HDAC4: variants seen among roughly 807,000 people sequenced by gnomAD.
HDAC4 encodes histone deacetylase 4.
Under a neutral mutation model 135.1 loss-of-function variants are expected in HDAC4, and 16 were observed. That is an observed-to-expected ratio of 0.12 (90% confidence interval 0.08 to 0.18). HDAC4 has a LOEUF of 0.18. HDAC4 is among the 10% of genes least tolerant of loss of function. HDAC4 has a pLI of 1.00. For missense variants in HDAC4, 1,143 were observed against 1,511.8 expected, an observed-to-expected ratio of 0.76 and a Z score of 4.05; for synonymous variants, 685 against 653.4, an observed-to-expected ratio of 1.05 and a Z score of -0.74.
chr2:239,301,977 A>T (rs539415548), intron 2 of HDAC4, among the ~76,000 whole-genome samples: 1 of 152,270 alleles, frequency 6.6e-6, no homozygotes, highest in South Asian at 2.1e-4. Context: ...CAAACAAAAA[A>T]ACACAACAAC....
At chr2:239,103,543 C>T (rs149768200) in intron 15 of HDAC4, among the ~76,000 whole-genome samples, 12 of 152,354 alleles carry the variant, frequency 7.9e-5, no homozygotes, top group East Asian at 3.9e-4. Flanking sequence ...ACATGAGATT[C>T]GAGTTAACAT....
At position 239,349,482 on chromosome 2, in the gene HDAC4, G is replaced by A. The variant is rs1276732699; in HGVS notation, c.22+3196C>T. 2.0e-5 allele frequency among the ~76,000 whole-genome samples: 3 copies of A among 152,234 alleles called. No homozygotes were observed. Among genetic ancestry groups the A allele is most frequent in the Non-Finnish European group, 4.4e-5 (3 of 68,034 alleles). On this transcript the variant is annotated intron_variant, in intron 2 of 26. Coordinates refer to ENST00000543185, the MANE Select transcript of HDAC4 (RefSeq NM_001378414.1). This position sits in a 1 kb window ranked among gnomAD's most constrained non-coding sequence, Gnocchi z 5.7. ...TTCCAGCAATGCCTGGGAGCGGACG[G>A]ACAGGTGCATCAGCTGACAAGAAAC... is the stretch of plus-strand genomic sequence containing the variant.
chr2:239,118,453 A>C (rs982404446), intron 12 of HDAC4, among the ~76,000 whole-genome samples: 1 of 152,114 alleles, frequency 6.6e-6, no homozygotes, highest in Non-Finnish European at 1.5e-5. Context: ...CAGCTTCAGA[A>C]AGCCAAACTC....
At chr2:239,176,702 G>C in intron 4 of HDAC4, 139 bp from the exon 5 acceptor site, 1 of 702,862 alleles carries the variant, frequency 1.4e-6, no homozygotes, top group Non-Finnish European at 2.4e-6. Flanking sequence ...GCCCTGCACT[G>C]CTGCTATTTC....
intron 22 of HDAC4, among the ~76,000 whole-genome samples, chr2:239,077,878 G>T (rs975793254): frequency 6.6e-6 from 1 of 152,216 alleles, no homozygotes; most frequent in Non-Finnish European, 1.5e-5. Flanking sequence ...CGTCTTACTT[G>T]AAAGTTTGGG....
intron 5 of HDAC4, among the ~76,000 whole-genome samples, chr2:239,166,379 C>A (rs1165394085): frequency 6.6e-6 from 1 of 152,158 alleles, no homozygotes; most frequent in Non-Finnish European, 1.5e-5. Flanking sequence ...CTGAGAAAAT[C>A]ATGTCATTGC....
chr2:239,377,024 C>T (rs1374303450), intron 1 of HDAC4, among the ~76,000 whole-genome samples: 2 of 152,162 alleles, frequency 1.3e-5, no homozygotes, highest in Admixed American at 6.5e-5. Context: ...CCCTGCCAGA[C>T]ACGGTCACTT....
upstream of HDAC4, chr2:239,401,509 A>G (rs1307802131): frequency 1.1e-5 from 2 of 175,564 alleles, no homozygotes; most frequent in Non-Finnish European, 2.4e-5. Context: ...GTCCGGTCGC[A>G]CTCGGTAGCC....
chr2:239,106,246 C>G (rs1220230042), intron 15 of HDAC4, among the ~76,000 whole-genome samples: 1 of 152,194 alleles, frequency 6.6e-6, no homozygotes, highest in Non-Finnish European at 1.5e-5. Flanking sequence ...TGCTTTCTCA[C>G]TCCTCCCTCC....
Position 239,185,844 on chromosome 2 carries a change from A to C in HDAC4, c.339+3989T>G, listed in dbSNP as rs997522000. On this transcript the variant is annotated intron_variant, in intron 4 of 26. Transcript: ENST00000543185. ...CCAGGAGTTCGAGCCTAGCCTGGCC[A>C]ACATGGGAAAAACCCATCTCTACCA... Among the ~76,000 whole-genome samples, 9 of 152,326 alleles carry C rather than the reference A, an allele frequency of 5.9e-5. No individual in the cohort carries two copies. In the South Asian group the frequency reaches 1.2e-3, roughly 21 times the overall value.
rs75785941 is a variant in HDAC4 at position 239,142,048 on chromosome 2, G to C, written c.866-2252C>G. Among the ~76,000 whole-genome samples the C allele has an allele frequency of 4.8e-3, 734 of 152,188 alleles. 5 individuals are homozygous for C. Among genetic ancestry groups the C allele is most frequent in the African/African-American group, 0.017 (701 of 41,520 alleles). The stretch of plus-strand genomic sequence containing the variant: ...AGCTGTGAGGAAGGCGCAGAACATG[G>C]GCTGCGGGAAGGCGTGCAGAGTGAG... On this transcript the variant is annotated intron_variant, in intron 8 of 26. Coordinates refer to ENST00000543185, the MANE Select transcript of HDAC4 (RefSeq NM_001378414.1).
intron 3 of HDAC4, among the ~76,000 whole-genome samples, chr2:239,208,282 G>C (rs547825812): frequency 2.0e-3 from 277 of 140,410 alleles, no homozygotes; most frequent in Non-Finnish European, 3.4e-3. Flanking sequence ...AGCCGAGATC[G>C]CGCCACTGCA....
At chr2:239,393,966 A>ACCCCCCCCCCCCCCCCCACCCC (rs1402822059) in intron 1 of HDAC4, among the ~76,000 whole-genome samples, 1 of 135,870 alleles carries the variant, frequency 7.4e-6, no homozygotes, top group Non-Finnish European at 1.6e-5. Flanking sequence ...CCCAAGGACC[A>ACCCCCCCCCCCCCCCCCACCCC]CCCCCCCTCC....
At chr2:239,314,942 C>T (rs543009204) in intron 2 of HDAC4, among the ~76,000 whole-genome samples, 4 of 152,304 alleles carry the variant, frequency 2.6e-5, no homozygotes, top group African/African-American at 7.2e-5. Flanking sequence ...ATACCCTCCT[C>T]CCTTTTGGAA....
intron 2 of HDAC4, among the ~76,000 whole-genome samples, chr2:239,330,650 GAC>G (rs1691508727): frequency 6.6e-6 from 1 of 152,234 alleles, no homozygotes; most frequent in Non-Finnish European, 1.5e-5. Context: ...TGCTGATTCT[GAC>G]AAACAAAATG....
In HDAC4 at chr2:239,115,424, G is replaced by T; in HGVS notation, c.1534-114C>A. 1 of 1,344,756 alleles carries T rather than the reference G, an allele frequency of 7.4e-7. No homozygotes were observed. Among genetic ancestry groups the T allele is most frequent in the East Asian group, 2.3e-5 (1 of 42,668 alleles). 83.3% of individuals were successfully genotyped at this position (1,344,756 alleles called of 1,614,324 possible). On this transcript the variant is annotated intron_variant, in intron 12 of 26. Coordinates refer to ENST00000543185, the MANE Select transcript of HDAC4 (RefSeq NM_001378414.1). The surrounding 1 kb of genome is among the most constrained non-coding windows in gnomAD (Gnocchi z 6.3). Reference sequence around the variant, plus strand: ...CTGGGGCAGACAATCAGGGACTCAGGGCACCTTATCACCCTGCCACAGGCC... The same window carrying T: ...CTGGGGCAGACAATCAGGGACTCAGTGCACCTTATCACCCTGCCACAGGCC...
In HDAC4 at chr2:239,115,397, C is replaced by T; in HGVS notation, c.1534-87G>A. The T allele has an allele frequency of 1.3e-6, 2 of 1,539,536 alleles. No homozygotes were observed. The highest frequency in any genetic ancestry group is 1.8e-6 in the Non-Finnish European group (2 of 1,122,946). On this transcript the variant is annotated intron_variant, in intron 12 of 26. Coordinates refer to ENST00000543185, the MANE Select transcript of HDAC4 (RefSeq NM_001378414.1). The surrounding 1 kb of genome is among the most constrained non-coding windows in gnomAD (Gnocchi z 6.3). ...GAGAAGGGATGCTGCAAACCCCACC[C>T]TCTGGGGCAGACAATCAGGGACTCA...
intron 13 of HDAC4, among the ~76,000 whole-genome samples, chr2:239,113,816 G>A (rs749581023): frequency 1.3e-5 from 2 of 152,276 alleles, no homozygotes; most frequent in Non-Finnish European, 2.9e-5. Flanking sequence ...GTGTGCCAGA[G>A]AGGCCCGGGG....
At position 239,240,015 on chromosome 2, in the gene HDAC4, G is replaced by A. The variant is rs552085108; in HGVS notation, c.23-3351C>T. On this transcript the variant is annotated intron_variant, in intron 2 of 26. Coordinates refer to ENST00000543185, the MANE Select transcript of HDAC4 (RefSeq NM_001378414.1). This position sits in a 1 kb window ranked among gnomAD's most constrained non-coding sequence, Gnocchi z 4.5. ...TTAAGACAAGATCCCGGCCTGAGCCGTCCTTGGTCGTCCACCTGGACAGCA... is the reference window on the plus strand; with the variant it reads ...TTAAGACAAGATCCCGGCCTGAGCCATCCTTGGTCGTCCACCTGGACAGCA... Among the ~76,000 whole-genome samples the A allele has an allele frequency of 2.1e-4, 32 of 152,370 alleles. No individual in the cohort carries two copies. The highest frequency in any genetic ancestry group is 4.8e-4 in the African/African-American group (20 of 41,594).
Sources: allele counts gnomAD v4.1 joint callset (sites outside exome capture counted in the v4.1 genomes callset), GRCh38; gene constraint gnomAD v4.1.1; non-coding constraint Gnocchi (gnomAD v3.1); transcripts MANE v1.5; gene names NCBI Gene and HGNC (gene_info 2026-07-23, HGNC 2026-07-21).